The following PARD3B variants were observed in gnomAD, a reference collection of about 807,000 sequenced individuals.
PARD3B encodes par-3 family cell polarity regulator beta.
A neutral mutation model predicts 130.2 loss-of-function variants in PARD3B; 103 were observed. That is an observed-to-expected ratio of 0.79 (90% CI 0.67 to 0.93). The LOEUF (loss-of-function observed/expected upper bound fraction) is 0.93. Ranked by LOEUF, PARD3B falls within the 40% of genes least tolerant of loss-of-function variation. PARD3B has a pLI of 0.00. For missense variants in PARD3B, 1,609 were observed against 1,499.2 expected, an observed-to-expected ratio of 1.07 and a Z score of -1.21; for synonymous variants, 583 against 553.2, an observed-to-expected ratio of 1.05 and a Z score of -0.76.
chr2:205,420,500 C>T (rs1419502979), intron 19 of PARD3B, among the ~76,000 whole-genome samples: 1 of 152,156 alleles, frequency 6.6e-6, no homozygotes, highest in Non-Finnish European at 1.5e-5. Flanking sequence ...CTTGCTTTTC[C>T]ATTTCTGAAA....
intron 4 of PARD3B, among the ~76,000 whole-genome samples, chr2:205,102,453 A>G (rs1304151177): frequency 1.3e-5 from 2 of 151,700 alleles, no homozygotes; most frequent in Non-Finnish European, 2.9e-5. Flanking sequence ...AACCCGCCCA[A>G]CCCTGTCTCC....
chr2:205,124,883 TC>T (rs1426693773), intron 9 of PARD3B, among the ~76,000 whole-genome samples: 1 of 152,250 alleles, frequency 6.6e-6, no homozygotes. Flanking sequence ...TTTGTCCATA[TC>T]CCTATCATCT....
chr2:205,110,442 A>G (rs1297897724), intron 5 of PARD3B, among the ~76,000 whole-genome samples: 1 of 152,160 alleles, frequency 6.6e-6, no homozygotes, highest in African/African-American at 2.4e-5. Context: ...AGTTTTATCA[A>G]TTAGATCTTA....
intron 21 of PARD3B, among the ~76,000 whole-genome samples, chr2:205,519,307 G>A (rs2050931419): frequency 6.6e-6 from 1 of 152,104 alleles, no homozygotes. Context: ...TTGTCTGACT[G>A]TCTTATTTCA....
chr2:205,437,837 G>T (rs1484605798), intron 19 of PARD3B, among the ~76,000 whole-genome samples: 5 of 152,050 alleles, frequency 3.3e-5, no homozygotes, highest in Non-Finnish European at 5.9e-5. Flanking sequence ...AAATAAAAAA[G>T]GGTATCTTTT....
At chr2:205,611,178 G>A (rs1283457296) in intron 22 of PARD3B, among the ~76,000 whole-genome samples, 1 of 152,130 alleles carries the variant, frequency 6.6e-6, no homozygotes, top group African/African-American at 2.4e-5. Flanking sequence ...TGAGGGTGGT[G>A]GTGTAGACAT....
At chr2:205,099,277 A>G (rs1416618912) in intron 4 of PARD3B, among the ~76,000 whole-genome samples, 2 of 152,222 alleles carry the variant, frequency 1.3e-5, no homozygotes, top group African/African-American at 4.8e-5. Context: ...TGTTTTCTAG[A>G]GGCAAGTTTG....
chr2:204,954,156 G>A (rs937081400), intron 2 of PARD3B, among the ~76,000 whole-genome samples: 8 of 152,134 alleles, frequency 5.3e-5, no homozygotes, highest in Admixed American at 1.3e-4. Context: ...CACTAGTTAA[G>A]GAGATATAGA....
Position 205,160,281 on chromosome 2 carries a change from G to A in PARD3B, c.1620+1374G>A, listed in dbSNP as rs2034433167. ...GTGTGGGGGAGCTGGGGTTTGGGTAGGATTCTGATTCAGGCTGGTGTCTCT... is the reference window on the plus strand; with the variant it reads ...GTGTGGGGGAGCTGGGGTTTGGGTAAGATTCTGATTCAGGCTGGTGTCTCT... On this transcript the variant is annotated intron_variant, in intron 11 of 22. Coordinates refer to ENST00000406610, the MANE Select transcript of PARD3B (RefSeq NM_001302769.2). This position sits in a 1 kb window ranked among gnomAD's most constrained non-coding sequence, Gnocchi z 4.0. Among the ~76,000 whole-genome samples the A allele has an allele frequency of 6.6e-6, 1 of 152,192 alleles. No homozygotes were observed.
chr2:205,354,497 T>G (rs78321394), intron 18 of PARD3B, among the ~76,000 whole-genome samples: 91,253 of 151,360 alleles, frequency 0.6, 30,689 homozygotes, highest in South Asian at 0.77. Context: ...AAAAAAAATC[T>G]TTTTAGAGCT....
At chr2:205,535,883 A>G (rs919828164) in intron 21 of PARD3B, among the ~76,000 whole-genome samples, 2 of 152,190 alleles carry the variant, frequency 1.3e-5, no homozygotes, top group African/African-American at 4.8e-5. Context: ...CTTTACTAGT[A>G]GAGAATTGTA....
chr2:205,162,839 G>T (rs200464239), intron 11 of PARD3B, among the ~76,000 whole-genome samples: 2 of 152,108 alleles, frequency 1.3e-5, no homozygotes, highest in African/African-American at 2.4e-5. Flanking sequence ...AAGTCTAAAT[G>T]ATCCGTCTGA....
chr2:204,881,636 G>A (rs1057107241), intron 2 of PARD3B, among the ~76,000 whole-genome samples: 6 of 152,216 alleles, frequency 3.9e-5, no homozygotes, highest in Non-Finnish European at 8.8e-5. Flanking sequence ...GCATGCTGAA[G>A]CCAACTGAGA....
At chr2:204,863,279 T>C (rs944713026) in intron 2 of PARD3B, among the ~76,000 whole-genome samples, 2 of 152,170 alleles carry the variant, frequency 1.3e-5, no homozygotes, top group Admixed American at 1.3e-4. Flanking sequence ...TTAATGCAGA[T>C]ACCTCTTGTA....
intron 18 of PARD3B, among the ~76,000 whole-genome samples, chr2:205,333,607 A>G (rs11901566): frequency 0.016 from 2,417 of 152,332 alleles, 61 homozygotes; most frequent in African/African-American, 0.054. Context: ...TTTGTTTATC[A>G]AATCAGGTTT....
intron 2 of PARD3B, among the ~76,000 whole-genome samples, chr2:204,780,399 G>A (rs954491627): frequency 1.3e-5 from 2 of 151,924 alleles, no homozygotes; most frequent in Non-Finnish European, 1.5e-5. Context: ...GCAAATAATC[G>A]GTTATCATCT....
intron 18 of PARD3B, among the ~76,000 whole-genome samples, chr2:205,394,643 G>A (rs1345396011): frequency 6.6e-6 from 1 of 152,152 alleles, no homozygotes; most frequent in South Asian, 2.1e-4. Context: ...AACTGCAATG[G>A]AATATTATTC....
chr2:205,092,465 A>T (rs746576367), intron 4 of PARD3B, among the ~76,000 whole-genome samples: 1 of 152,166 alleles, frequency 6.6e-6, no homozygotes. Flanking sequence ...GAGCTTATGA[A>T]AGAGTTTCAG....
chr2:205,127,026 G>A (rs1161846438), intron 10 of PARD3B, among the ~76,000 whole-genome samples: 1 of 151,662 alleles, frequency 6.6e-6, no homozygotes, highest in East Asian at 2.0e-4. Flanking sequence ...GAGGACAGGT[G>A]CAGTGGCTCA....
Sources: gnomAD v4.1 joint callset for allele counts (sites outside exome capture counted in the v4.1 genomes callset) on GRCh38, gnomAD v4.1.1 for gene constraint, Gnocchi (gnomAD v3.1) non-coding constraint, MANE v1.5 for transcripts, NCBI Gene and HGNC (gene_info 2026-07-23, HGNC 2026-07-21) for gene names.